LCP1: variants seen among roughly 807,000 people sequenced by gnomAD.
LCP1 encodes lymphocyte cytosolic protein 1, also known as plastin-2.
LCP1 carries 23 observed loss-of-function variants against 72.0 expected under a neutral mutation model. The ratio of observed to expected loss-of-function variants is 0.32; its 90% CI spans 0.23 to 0.45. LCP1 has a LOEUF of 0.45. Among genes scored for constraint, LCP1 ranks in the 20% least tolerant of loss-of-function variants. The pLI, the probability that LCP1 is intolerant of heterozygous loss-of-function variation, is 1.00. For synonymous variants in LCP1, 245 were observed against 275.4 expected (o/e 0.89, Z 1.09); for missense variants, 571 against 748.3 (o/e 0.76, Z 2.76).
chr13:46,128,941 G>A (rs1247642796), intron 15 of LCP1, among the ~76,000 whole-genome samples: 1 of 149,232 alleles, frequency 6.7e-6, no homozygotes, highest in Non-Finnish European at 1.5e-5. Flanking sequence ...ACTACCTCCT[G>A]CTCTCCTAAA....
At chr13:46,147,565 T>A (rs1430437633) in intron 9 of LCP1, among the ~76,000 whole-genome samples, 4 of 152,240 alleles carry the variant, frequency 2.6e-5, no homozygotes, top group Non-Finnish European at 5.9e-5. Flanking sequence ...ATGATTAGCA[T>A]AACCACTGTC....
chr13:46,133,101 A>G (rs184859278), intron 14 of LCP1, among the ~76,000 whole-genome samples: 301 of 152,346 alleles, frequency 2.0e-3, no homozygotes, highest in South Asian at 4.6e-3. Context: ...ATTAATAAAA[A>G]TGAGATTTAG....
chr13:46,132,389 C>A (rs533787615), intron 14 of LCP1, among the ~76,000 whole-genome samples: 91 of 152,274 alleles, frequency 6.0e-4, no homozygotes, highest in African/African-American at 2.1e-3. Context: ...CAGCCTCACC[C>A]CACAGGTAAA....
chr13:46,148,781 C>T (rs556277244), intron 8 of LCP1: 72 of 865,188 alleles, frequency 8.3e-5, no homozygotes, highest in Non-Finnish European at 9.8e-5. Context: ...TATATATATA[C>T]CTTTATATTG....
intron 1 of LCP1, among the ~76,000 whole-genome samples, chr13:46,163,205 T>G (rs2045855437): frequency 1.3e-5 from 2 of 152,142 alleles, no homozygotes; most frequent in Admixed American, 1.3e-4. Context: ...AAGGGGGAAA[T>G]GTGGGGAAAA....
At chr13:46,139,440 A>T (rs1263708881) in intron 13 of LCP1, among the ~76,000 whole-genome samples, 1 of 152,254 alleles carries the variant, frequency 6.6e-6, no homozygotes, top group African/African-American at 2.4e-5. Flanking sequence ...ATCTGCAGAC[A>T]GTGGCTTGGA....
intron 5 of LCP1, among the ~76,000 whole-genome samples, chr13:46,155,415 A>T (rs1049255868): frequency 6.6e-6 from 1 of 152,208 alleles, no homozygotes; most frequent in Non-Finnish European, 1.5e-5. Context: ...TAAAACTAGC[A>T]GATTGGGGGA....
chr13:46,166,671 C>T (rs1011268037), intron 1 of LCP1, among the ~76,000 whole-genome samples: 1 of 151,996 alleles, frequency 6.6e-6, no homozygotes, highest in African/African-American at 2.4e-5. Context: ...ACTATGACAA[C>T]TAAAGAAACG....
At chr13:46,147,238 A>G (rs1566438088) in intron 9 of LCP1, 135 bp from the exon 10 acceptor site, 1 of 714,162 alleles carries the variant, frequency 1.4e-6, no homozygotes, top group Non-Finnish European at 2.2e-6. Context: ...ATAACAGCAC[A>G]TTATTGCCTA....
chr13:46,169,205 T>C (rs1640796957), intron 1 of LCP1, among the ~76,000 whole-genome samples: 1 of 152,232 alleles, frequency 6.6e-6, no homozygotes, highest in Admixed American at 6.5e-5. Context: ...TTCTCTTTAA[T>C]TAAGACCTTC....
At chr13:46,176,902 T>A (rs4476072) in intron 1 of LCP1, among the ~76,000 whole-genome samples, 40,725 of 150,726 alleles carry the variant, frequency 0.27, 5,753 homozygotes, top group East Asian at 0.4. Flanking sequence ...TGTGTGTGTG[T>A]GAGAGAGCGA....
chr13:46,148,871 T>C (rs2045746575), intron 8 of LCP1: 1 of 567,158 alleles, frequency 1.8e-6, no homozygotes, highest in South Asian at 7.8e-5. Context: ...GAGTTTAAAA[T>C]ACATTTAAAT....
At chr13:46,153,842 A>T (rs748086419) in intron 6 of LCP1, among the ~76,000 whole-genome samples, 3 of 152,234 alleles carry the variant, frequency 2.0e-5, no homozygotes, top group Non-Finnish European at 2.9e-5. Context: ...ATACTCATAG[A>T]TTCTATGTTC....
intron 7 of LCP1, among the ~76,000 whole-genome samples, chr13:46,152,020 A>G (rs2045767608): frequency 6.6e-6 from 1 of 152,212 alleles, no homozygotes; most frequent in South Asian, 2.1e-4. Context: ...GGTCTTTAAA[A>G]ATGTTTATTC....
At chr13:46,138,199 C>T (rs1014844207) in intron 13 of LCP1, among the ~76,000 whole-genome samples, 1 of 151,964 alleles carries the variant, frequency 6.6e-6, no homozygotes, top group Non-Finnish European at 1.5e-5. Context: ...AGTTTAAGTA[C>T]ATATCTCTCA....
At chr13:46,154,777 G>T in intron 6 of LCP1, 28 bp downstream of exon 6, 1 of 1,574,876 alleles carries the variant, frequency 6.3e-7, no homozygotes, top group Non-Finnish European at 8.7e-7. Flanking sequence ...AACAAATCCT[G>T]TATTATGGTA....
intron 11 of LCP1, among the ~76,000 whole-genome samples, chr13:46,143,789 G>A (rs373269222): frequency 5.9e-5 from 9 of 152,178 alleles, no homozygotes; most frequent in Admixed American, 1.3e-4. Context: ...TATTTAGAAC[G>A]GGCGCAGTGG....
Position 46,146,994 on chromosome 13 carries a change from T to A in LCP1, c.1088A>T (p.Asn363Ile). The A allele has an allele frequency of 6.2e-7, 1 of 1,614,050 alleles. No individual in the cohort carries two copies. Residue 363 changes from asparagine (N) to isoleucine (I), a missense_variant, in exon 10 of 16, where the codon AAC becomes ATC. By Grantham distance (149) the Asn-to-Ile change is moderately radical (BLOSUM62 -3). Transcript: ENST00000323076. ...AAAGAGGTTGGCAATAAAAGCCAAG[T>A]TCAACTTGGGGTTCCCTCGGACAAC... The part of the protein sequence containing the change: ...TDVVRGNPKL[N>I]LAFIANLFNR...
At position 46,126,265 on chromosome 13, in the gene LCP1, G is replaced by C; in HGVS notation, c.*1326C>G. The C allele has an allele frequency of 4.4e-6, 1 of 227,974 alleles. No homozygotes were observed. Among genetic ancestry groups the C allele is most frequent in the African/African-American group, 2.2e-5 (1 of 45,154 alleles). 14.1% of individuals were successfully genotyped at this position (227,974 alleles called of 1,614,324 possible). The stretch of plus-strand genomic sequence containing the variant: ...TTTTCACCATGATAGAGGGCGTCTT[G>C]CATTGGTTCACAATGGCCTGTTGCT... On this transcript the variant is annotated 3_prime_UTR_variant, in exon 16 of 16. Coordinates refer to ENST00000323076, the MANE Select transcript of LCP1 (RefSeq NM_002298.5).
Sources: allele counts gnomAD v4.1 joint callset (sites outside exome capture counted in the v4.1 genomes callset), GRCh38; gene constraint gnomAD v4.1.1; transcripts MANE v1.5; gene names NCBI Gene and HGNC (gene_info 2026-07-23, HGNC 2026-07-21).